EMILIN2: variants seen among roughly 807,000 people sequenced by gnomAD.
EMILIN2 encodes elastin microfibril interfacer 2, also known as EMILIN-2.
EMILIN2 carries 71 observed loss-of-function variants against 87.1 expected under a neutral mutation model. The ratio of observed to expected loss-of-function variants is 0.82; its 90% confidence interval spans 0.67 to 0.99. EMILIN2 has a LOEUF of 0.99. Ranked by LOEUF, EMILIN2 falls within the 50% of genes least tolerant of loss-of-function variation. The pLI is 0.00. For missense variants in EMILIN2, 1,407 were observed against 1,371.8 expected, an observed-to-expected ratio of 1.03 and a Z score of -0.40; for synonymous variants, 581 against 563.4, an observed-to-expected ratio of 1.03 and a Z score of -0.44.
intron 2 of EMILIN2, among the ~76,000 whole-genome samples, chr18:2,856,027 G>A (rs2076625455): frequency 6.6e-6 from 1 of 152,134 alleles, no homozygotes; most frequent in Non-Finnish European, 1.5e-5. Context: ...GGTTGAAATC[G>A]TTAAATTCAG....
intron 4 of EMILIN2, among the ~76,000 whole-genome samples, chr18:2,893,129 T>C (rs7233229): frequency 0.028 from 4,320 of 152,178 alleles, 196 homozygotes; most frequent in African/African-American, 0.099. Flanking sequence ...TCACAACACA[T>C]TGAAAATAAA....
At chr18:2,871,928 TTTATCC>T (rs1388520049) in intron 2 of EMILIN2, among the ~76,000 whole-genome samples, 1 of 152,212 alleles carries the variant, frequency 6.6e-6, no homozygotes, top group Non-Finnish European at 1.5e-5. Context: ...TTTTTCCTTT[TTTATCC>T]TTTCAATGTC....
chr18:2,861,579 T>C (rs1026164999), intron 2 of EMILIN2, among the ~76,000 whole-genome samples: 1 of 152,218 alleles, frequency 6.6e-6, no homozygotes, highest in Non-Finnish European at 1.5e-5. Context: ...TGTGTTCTGT[T>C]CCATTGGTCT....
At position 2,890,488 on chromosome 18, in the gene EMILIN2, T is replaced by C; in HGVS notation, c.434-73T>C. The C allele has an allele frequency of 6.7e-7, 1 of 1,499,820 alleles. No homozygotes were observed. The highest frequency in any genetic ancestry group is 8.9e-7 in the Non-Finnish European group (1 of 1,120,938). 92.9% of individuals were successfully genotyped at this position (1,499,820 alleles called of 1,614,324 possible). ...ATGTACATGTATTTTGTAGGTACCT[T>C]GTTTATTGTCTTGGCAGAATCTGGC... On this transcript the variant is annotated intron_variant, in intron 3 of 7. Transcript: ENST00000254528. This position sits in a 1 kb window ranked among gnomAD's most constrained non-coding sequence, Gnocchi z 4.7.
In EMILIN2 at chr18:2,856,834, C is replaced by T. The variant is rs191034556; in HGVS notation, c.257+8903C>T. Reference sequence around the variant, plus strand: ...AGCATGATTTCTCCTTACAAAGAACCATTTTCCTGGGAGAATCGAGGGAGG... The same window carrying T: ...AGCATGATTTCTCCTTACAAAGAACTATTTTCCTGGGAGAATCGAGGGAGG... On this transcript the variant is annotated intron_variant, in intron 2 of 7. Transcript: ENST00000254528. 2.0e-5 allele frequency among the ~76,000 whole-genome samples: 3 copies of T among 152,268 alleles called. No individual in the cohort carries two copies. The East Asian group carries it at 5.8e-4, about 29-fold the overall frequency.
rs2076830484 is a variant in EMILIN2 at position 2,890,688 on chromosome 18, A to G, written c.561A>G (p.Leu187=). 8 of 1,614,208 alleles carry G rather than the reference A, an allele frequency of 5.0e-6. No individual in the cohort carries two copies. Among genetic ancestry groups the G allele is most frequent in the Non-Finnish European group, 6.8e-6 (8 of 1,180,044 alleles). ...TTCAGGAAAAGAAGATACAGGTGCT[A>G]GAGGAGAAGGTTCTTCGACTCACAA... ...QELQEKKIQV[L]EEKVLRLTRT... Residue 187 remains leucine, a synonymous_variant, in exon 4 of 8, where the codon CTA becomes CTG. Transcript: ENST00000254528. This position sits in a 1 kb window ranked among gnomAD's most constrained non-coding sequence, Gnocchi z 4.7.
At chr18:2,887,969 A>T (rs117357340) in intron 3 of EMILIN2, among the ~76,000 whole-genome samples, 2 of 152,204 alleles carry the variant, frequency 1.3e-5, no homozygotes, top group Non-Finnish European at 2.9e-5. Context: ...CTCGACCTGG[A>T]ACTTATTTTT....
chr18:2,883,909 A>T (rs1436202982), intron 2 of EMILIN2, among the ~76,000 whole-genome samples: 1 of 152,186 alleles, frequency 6.6e-6, no homozygotes, highest in East Asian at 1.9e-4. Flanking sequence ...GTGCAGCGGT[A>T]AACACACAGA....
intron 2 of EMILIN2, among the ~76,000 whole-genome samples, chr18:2,867,504 G>A (rs548041979): frequency 7.7e-4 from 117 of 152,248 alleles, no homozygotes; most frequent in Non-Finnish European, 1.5e-3. Context: ...GCGGCCTTCC[G>A]CAGTGTTTGT....
At chr18:2,873,578 G>T (rs1269200020) in intron 2 of EMILIN2, among the ~76,000 whole-genome samples, 1 of 150,276 alleles carries the variant, frequency 6.7e-6, no homozygotes, top group African/African-American at 2.5e-5. Flanking sequence ...GTGGTGGCGG[G>T]CGCCTGTAGT....
chr18:2,895,519 G>T (rs755147878), intron 4 of EMILIN2, among the ~76,000 whole-genome samples: 17 of 152,222 alleles, frequency 1.1e-4, no homozygotes, highest in Admixed American at 5.9e-4. Flanking sequence ...GCTTGGCTCA[G>T]CGGTTCTTCT....
intron 2 of EMILIN2, among the ~76,000 whole-genome samples, chr18:2,858,557 A>ATATG: frequency 1.8e-5 from 1 of 54,534 alleles, no homozygotes; most frequent in South Asian, 6.2e-4. Context: ...ATATATATAT[A>ATATG]TATATATATA....
intron 4 of EMILIN2, among the ~76,000 whole-genome samples, chr18:2,899,553 G>A (rs1415163227): frequency 6.6e-6 from 1 of 151,954 alleles, no homozygotes; most frequent in African/African-American, 2.4e-5. Flanking sequence ...CACCCAGGCT[G>A]GAGTGCAGTG....
chr18:2,879,409 A>C (rs1028771291), intron 2 of EMILIN2, among the ~76,000 whole-genome samples: 4 of 152,190 alleles, frequency 2.6e-5, no homozygotes, highest in African/African-American at 9.6e-5. Context: ...TTGTAATCCC[A>C]GCCCTTTGGG....
intron 2 of EMILIN2, among the ~76,000 whole-genome samples, chr18:2,858,579 GTGTGTATATATATATATATATA>G (rs1568454231): frequency 2.6e-4 from 16 of 62,398 alleles, no homozygotes; most frequent in South Asian, 2.5e-3. Context: ...ATGTGTGTGT[GTGTGTATATATATATATATATA>G]TGTGTATATA....
rs115476592 is a variant in EMILIN2 at position 2,852,409 on chromosome 18, G to A, written c.257+4478G>A. 3.9e-3 allele frequency among the ~76,000 whole-genome samples: 598 copies of A among 152,330 alleles called. 5 individuals carry two copies. The highest frequency in any genetic ancestry group is 0.013 in the African/African-American group (558 of 41,572). On this transcript the variant is annotated intron_variant, in intron 2 of 7. Transcript: ENST00000254528. ...TGTTCCCGAGCTCAGCTGCCAACAT[G>A]AAACTTGTCACAGGGGAATGGTGTT...
In EMILIN2 at chr18:2,847,262, C is replaced by CG; in HGVS notation, c.78dup (p.Leu27AlafsTer39). On this transcript the variant is annotated frameshift_variant, in exon 1 of 8. Coordinates refer to ENST00000254528, the MANE Select transcript of EMILIN2 (RefSeq NM_032048.3). LOFTEE classifies it high-confidence loss of function. This position sits in a 1 kb window ranked among gnomAD's most constrained non-coding sequence, Gnocchi z 4.5. ...CTGGCGCTGCTGGCCCTGGTTGGCGCGGGGCTGTGCCACGCCGGCCCGCAG... is the reference window on the plus strand; with the variant it reads ...CTGGCGCTGCTGGCCCTGGTTGGCGCGGGGGCTGTGCCACGCCGGCCCGCAG... 7.6e-7 allele frequency: 1 copy of CG among 1,309,492 alleles called. No individual in the cohort carries two copies. The highest frequency in any genetic ancestry group is 2.1e-5 in the South Asian group (1 of 47,998). The allele number at this position is 1,309,492 out of a possible 1,614,324, so 81.1% of individuals were successfully genotyped here. A position where few individuals can be genotyped will look rare whatever the true frequency, so the allele number is the denominator to read the frequency against.
chr18:2,861,946 C>T (rs1297497843), intron 2 of EMILIN2, among the ~76,000 whole-genome samples: 1 of 152,182 alleles, frequency 6.6e-6, no homozygotes, highest in Non-Finnish European at 1.5e-5. Flanking sequence ...AGAGGTCCTT[C>T]ACAATCCTTG....
intron 2 of EMILIN2, among the ~76,000 whole-genome samples, chr18:2,853,231 T>A (rs1048087297): frequency 3.0e-4 from 45 of 152,298 alleles, no homozygotes; most frequent in Admixed American, 2.0e-4. Context: ...CTCTTAAAAA[T>A]TTCATTGTAT....
Sources: allele counts gnomAD v4.1 joint callset (sites outside exome capture counted in the v4.1 genomes callset), GRCh38; gene constraint gnomAD v4.1.1; non-coding constraint Gnocchi (gnomAD v3.1); transcripts MANE v1.5; gene names NCBI Gene and HGNC (gene_info 2026-07-23, HGNC 2026-07-21).